CSMD1: variants seen among roughly 807,000 people sequenced by gnomAD.
The protein encoded by CSMD1 is CUB and sushi domain-containing protein 1.
In CSMD1, 213 loss-of-function variants were observed where a neutral mutation model predicts 417.5. That is an observed-to-expected ratio of 0.51 (90% CI 0.46 to 0.57). The LOEUF is 0.57. Ranked by LOEUF, CSMD1 falls within the 20% of genes least tolerant of loss-of-function variation. The probability of loss-of-function intolerance (pLI) is 0.00; values close to 1 mark genes in which losing one functional copy is unlikely to be tolerated. For missense variants in CSMD1, 6,923 were observed against 4,529.7 expected (o/e 1.53, Z -15.17); for synonymous variants, 2,862 against 1,736.8 (o/e 1.65, Z -16.11).
At chr8:3,997,129 C>A (rs767830167) in intron 5 of CSMD1, among the ~76,000 whole-genome samples, 1 of 152,106 alleles carries the variant, frequency 6.6e-6, no homozygotes, top group African/African-American at 2.4e-5. Flanking sequence ...TTAAAGTGTT[C>A]AGGTTTAAAA....
intron 49 of CSMD1, among the ~76,000 whole-genome samples, chr8:3,057,485 C>T (rs962275484): frequency 6.6e-6 from 1 of 152,026 alleles, no homozygotes; most frequent in African/African-American, 2.4e-5. Flanking sequence ...TATGTATACA[C>T]ACTTATAGCT....
At chr8:3,803,173 T>C (rs189343249) in intron 5 of CSMD1, among the ~76,000 whole-genome samples, 303 of 152,260 alleles carry the variant, frequency 2.0e-3, no homozygotes, top group Non-Finnish European at 3.2e-3. Context: ...CTGAAAGCAA[T>C]ATAAAATCAT....
chr8:4,616,199 T>A (rs527920360), intron 2 of CSMD1, among the ~76,000 whole-genome samples: 1 of 152,194 alleles, frequency 6.6e-6, no homozygotes, highest in African/African-American at 2.4e-5. Context: ...GTTTTCTTTT[T>A]TGAAGTTCCG....
At chr8:4,113,132 G>C (rs998825703) in intron 3 of CSMD1, among the ~76,000 whole-genome samples, 3 of 152,060 alleles carry the variant, frequency 2.0e-5, no homozygotes, top group Non-Finnish European at 2.9e-5. Context: ...CCACTCATCA[G>C]CTGTTCTTTA....
At chr8:3,663,647 G>C (rs532999914) in intron 7 of CSMD1, among the ~76,000 whole-genome samples, 1 of 152,104 alleles carries the variant, frequency 6.6e-6, no homozygotes, top group Non-Finnish European at 1.5e-5. Context: ...AAACTCAAAA[G>C]AATGCAATCA....
At chr8:3,878,317 T>C (rs1264021164) in intron 5 of CSMD1, among the ~76,000 whole-genome samples, 1 of 152,204 alleles carries the variant, frequency 6.6e-6, no homozygotes, top group East Asian at 1.9e-4. Context: ...TAATATTCTC[T>C]ACACTATTCT....
intron 26 of CSMD1, among the ~76,000 whole-genome samples, chr8:3,266,049 A>G (rs1217492107): frequency 1.3e-5 from 2 of 151,834 alleles, no homozygotes; most frequent in Non-Finnish European, 2.9e-5. Context: ...GGAAATAGAG[A>G]GCTTTGAAGT....
intron 5 of CSMD1, among the ~76,000 whole-genome samples, chr8:3,875,695 G>A (rs1030052638): frequency 2.6e-4 from 39 of 152,282 alleles, no homozygotes; most frequent in East Asian, 1.9e-4. Flanking sequence ...TGAGGTCTAG[G>A]GAGGGGGCAG....
chr8:3,965,300 T>A (rs1197292250), intron 5 of CSMD1, among the ~76,000 whole-genome samples: 1 of 152,112 alleles, frequency 6.6e-6, no homozygotes, highest in African/African-American at 2.4e-5. Context: ...TAAGCATGGG[T>A]TTCTGAAATG....
chr8:4,665,723 C>T (rs1348488667), intron 1 of CSMD1, among the ~76,000 whole-genome samples: 1 of 152,084 alleles, frequency 6.6e-6, no homozygotes, highest in Non-Finnish European at 1.5e-5. Context: ...GAGTAGTGCT[C>T]TATGGTATGA....
At chr8:4,037,058 G>C (rs1025601644) in intron 3 of CSMD1, among the ~76,000 whole-genome samples, 3 of 152,042 alleles carry the variant, frequency 2.0e-5, no homozygotes, top group Admixed American at 2.0e-4. Flanking sequence ...CGGAGCTGCT[G>C]AGACAGCTCT....
At chr8:3,071,143 C>T (rs1813298338) in intron 49 of CSMD1, among the ~76,000 whole-genome samples, 2 of 152,320 alleles carry the variant, frequency 1.3e-5, no homozygotes. Flanking sequence ...ATGAAGGATC[C>T]ACCCGCTTGA....
At chr8:3,435,923 C>G (rs1304227422) in intron 12 of CSMD1, among the ~76,000 whole-genome samples, 1 of 152,222 alleles carries the variant, frequency 6.6e-6, no homozygotes, top group East Asian at 1.9e-4. Context: ...ATAGCTTAGT[C>G]TGGTCTTCCT....
Position 3,586,291 on chromosome 8 carries a change from C to T in CSMD1, c.1098-31G>A, listed in dbSNP as rs374757740. On this transcript the variant is annotated intron_variant, in intron 8 of 69. Coordinates refer to ENST00000635120, the MANE Select transcript of CSMD1 (RefSeq NM_033225.6). ...CCGTTAAAAAAGAAAAAAAAAAACC[C>T]AAATTATTTACAGAAGACTTCTTTA... 1.1e-4 allele frequency: 164 copies of T among 1,528,158 alleles called. No individual in the cohort carries two copies. In the African/African-American group the frequency reaches 2.1e-3, roughly 20 times the overall value. The allele number at this position is 1,528,158 out of a possible 1,614,324, so 94.7% of individuals were successfully genotyped here.
rs573245859 is a variant in CSMD1 at position 3,284,085 on chromosome 8, C to A, written c.4153+59G>T. On this transcript the variant is annotated intron_variant, in intron 26 of 69. Coordinates refer to ENST00000635120, the MANE Select transcript of CSMD1 (RefSeq NM_033225.6). ...CTGGTGAATATAAATGGAGGGAGAT[C>A]TGTGTTCATGACAAGACTTTGATAT... is the stretch of plus-strand genomic sequence containing the variant. The A allele has an allele frequency of 6.2e-6, 8 of 1,286,916 alleles. No individual in the cohort carries two copies. In the South Asian group the frequency reaches 8.9e-5, roughly 14 times the overall value. The allele number at this position is 1,286,916 out of a possible 1,614,324, so 79.7% of individuals were successfully genotyped here. A position where few individuals can be genotyped will look rare whatever the true frequency, so the allele number is the denominator to read the frequency against.
intron 40 of CSMD1, among the ~76,000 whole-genome samples, chr8:3,150,320 C>T (rs536961019): frequency 2.0e-5 from 3 of 152,328 alleles, no homozygotes; most frequent in South Asian, 2.1e-4. Flanking sequence ...CCGTCCCCAT[C>T]GAGCTGCTCT....
intron 1 of CSMD1, among the ~76,000 whole-genome samples, chr8:4,885,995 T>A: frequency 8.4e-6 from 1 of 119,234 alleles, no homozygotes; most frequent in Non-Finnish European, 1.9e-5. Context: ...ATTTACTTAT[T>A]TATTTACTTA....
intron 22 of CSMD1, among the ~76,000 whole-genome samples, chr8:3,345,264 C>T (rs542983633): frequency 1.3e-5 from 2 of 152,270 alleles, no homozygotes; most frequent in South Asian, 4.2e-4. Context: ...TTGCACCTTG[C>T]TCCCAGTGGC....
chr8:3,896,868 G>C (rs544808694), intron 5 of CSMD1, among the ~76,000 whole-genome samples: 11 of 151,898 alleles, frequency 7.2e-5, no homozygotes, highest in East Asian at 1.9e-4. Context: ...TTTAAAAAGC[G>C]CTTGTCTATC....
Sources: gnomAD v4.1 joint callset for allele counts (sites outside exome capture counted in the v4.1 genomes callset) on GRCh38, gnomAD v4.1.1 for gene constraint, MANE v1.5 for transcripts, NCBI Gene and HGNC (gene_info 2026-07-23, HGNC 2026-07-21) for gene names.